The following TGM2 variants were observed in gnomAD, a reference collection of about 807,000 sequenced individuals.
TGM2 encodes the protein protein-glutamine gamma-glutamyltransferase 2.
Under a neutral mutation model 75.6 loss-of-function variants are expected in TGM2, and 53 were observed. The observed-to-expected ratio is 0.70, with a 90% confidence interval of 0.56 to 0.88. The LOEUF (loss-of-function observed/expected upper bound fraction) is 0.88. TGM2 is among the 40% of genes least tolerant of loss of function. TGM2 has a pLI of 0.00. For synonymous variants in TGM2, 374 were observed against 381.1 expected (o/e 0.98, Z 0.22); for missense variants, 842 against 928.5 (o/e 0.91, Z 1.21).
At chr20:38,136,534 C>A (rs980311152) in intron 10 of TGM2, among the ~76,000 whole-genome samples, 4 of 152,214 alleles carry the variant, frequency 2.6e-5, no homozygotes, top group African/African-American at 9.7e-5. Context: ...TGGATCATGA[C>A]CCCCAGGAGC....
Position 38,130,285 on chromosome 20 carries a change from C to T in TGM2, c.1998G>A (p.Val666=). The T allele has an allele frequency of 6.2e-7, 1 of 1,612,960 alleles. No homozygotes were observed. The highest frequency in any genetic ancestry group is 8.5e-7 in the Non-Finnish European group (1 of 1,179,742). ...CCTTCAGCTTGTCGCTCTCGAAGTT[C>T]ACCACCAGCTTGTGGAGGCCCATGT... ...PLHMGLHKLV[V]NFESDKLKAV... Residue 666 remains valine, a synonymous_variant, in exon 13 of 13, where the codon GTG becomes GTA. Coordinates refer to ENST00000361475, the MANE Select transcript of TGM2 (RefSeq NM_004613.4).
Position 38,141,358 on chromosome 20 carries a change from C to A in TGM2, c.1023G>T (p.Trp341Cys). 2 of 1,587,228 alleles carry A rather than the reference C, an allele frequency of 1.3e-6. No individual in the cohort carries two copies. Among genetic ancestry groups the A allele is most frequent in the South Asian group, 2.3e-5 (2 of 86,708 alleles). The change falls in exon 8 of 13, where the codon TGG becomes TGT. Residue 341 changes from tryptophan to cysteine, a missense_variant. Transcript: ENST00000361475. Reference protein sequence around the residue: ...IWNFHCWVESWMTRPDLQPGY... With the variant: ...IWNFHCWVESCMTRPDLQPGY... ...CCGGCTGCAGGTCCGGCCTGGTCAT[C>A]CACGACTCCACCCAGCAGTGGAAGT...
At position 38,146,832 on chromosome 20, in the gene TGM2, G is replaced by A. The variant is rs369988859; in HGVS notation, c.744C>T (p.Gly248=). 9.2e-5 allele frequency: 148 copies of A among 1,614,142 alleles called. No homozygotes were observed. In the African/African-American group the frequency reaches 9.3e-4, roughly 10 times the overall value. ...TGCCGATCCAGGACATGGGGCTGAC[G>A]CCGTCCCCGTAGTTGTTGTCCCAGC... The part of the protein sequence containing the change: ...LGRWDNNYGD[G]VSPMSWIGSV... Residue 248 remains glycine (G), a synonymous_variant, in exon 6 of 13, where the codon GGC becomes GGT. Transcript: ENST00000361475.
chr20:38,133,568 AG>A (rs2074862241), intron 10 of TGM2: 1 of 152,336 alleles, frequency 6.6e-6, no homozygotes, highest in East Asian at 1.9e-4. Flanking sequence ...GGATTCATGT[AG>A]TTTAGCATTT....
At position 38,139,268 on chromosome 20, in the gene TGM2, C is replaced by A. The variant is rs1422319679; in HGVS notation, c.1342+144G>T. 18 of 1,191,574 alleles carry A rather than the reference C, an allele frequency of 1.5e-5. No homozygotes were observed. The East Asian group carries it at 4.0e-4, about 27-fold the overall frequency. The allele number at this position is 1,191,574 out of a possible 1,614,324, so 73.8% of individuals were successfully genotyped here. ...GTTTGCTCCTGTTTCTAAGGCATTG[C>A]TGAAGATGGAGTATAGCCTACGGGG... is the stretch of plus-strand genomic sequence containing the variant. On this transcript the variant is annotated intron_variant, in intron 9 of 12. Transcript: ENST00000361475.
Position 38,138,402 on chromosome 20 carries a change from G to T in TGM2, c.1343-17C>A, listed in dbSNP as rs1378905969. ...CTGAGGACCCTGTAGGGGTTGAGAA[G>T]AGAGCCTCAATCACAGCTGGAATAG... On this transcript the variant is annotated splice_polypyrimidine_tract_variant and intron_variant, in intron 9 of 12. Coordinates refer to ENST00000361475, the MANE Select transcript of TGM2 (RefSeq NM_004613.4). 1 of 1,613,380 alleles carries T rather than the reference G, an allele frequency of 6.2e-7. No individual in the cohort carries two copies. The highest frequency in any genetic ancestry group is 1.7e-5 in the Admixed American group (1 of 60,020).
At chr20:38,131,542 T>C (rs2074834368) in intron 11 of TGM2, among the ~76,000 whole-genome samples, 1 of 152,096 alleles carries the variant, frequency 6.6e-6, no homozygotes, top group Non-Finnish European at 1.5e-5. Flanking sequence ...CTCTGCCTCT[T>C]CTTCACTGTG....
rs144715765 is a variant in TGM2, at chr20:38,161,526, C to T, written c.84G>A (p.Arg28=). 227 of 1,614,172 alleles carry T rather than the reference C, an allele frequency of 1.4e-4. 1 individual carries two copies. In the African/African-American group the frequency reaches 2.8e-3, roughly 20 times the overall value. ...GGCCCCGTCGCACCACCAGCTTCTC[C>T]CGGCACAGGTCGGCCGTGTGGTGGT... ...GRDHHTADLC[R]EKLVVRRGQP... Residue 28 remains arginine (R), a synonymous_variant, in exon 2 of 13, where the codon CGG becomes CGA. Coordinates refer to ENST00000361475, the MANE Select transcript of TGM2 (RefSeq NM_004613.4).
At chr20:38,134,824 C>T (rs533254013) in intron 10 of TGM2, among the ~76,000 whole-genome samples, 95 of 152,318 alleles carry the variant, frequency 6.2e-4, no homozygotes, top group Non-Finnish European at 7.5e-4. Context: ...CACCAGCACA[C>T]GGAAATTCCC....
chr20:38,161,385 G>A (rs1324095695), intron 2 of TGM2, 35 bp downstream of exon 2: 2 of 1,610,024 alleles, frequency 1.2e-6, no homozygotes, highest in African/African-American at 1.3e-5. Context: ...TGGTGGTGGT[G>A]GTGGTGGTGG....
chr20:38,139,659 C>A lies in TGM2; in HGVS notation c.1100-5G>T. On this transcript the variant is annotated splice_region_variant and splice_polypyrimidine_tract_variant and intron_variant, in intron 8 of 12. Coordinates refer to ENST00000361475, the MANE Select transcript of TGM2 (RefSeq NM_004613.4). The stretch of plus-strand genomic sequence containing the variant: ...CTGGGCCACAGCAGTACGTCCCTGG[C>A]AGAGGTAGAAAGGGGAAGGGATGGG... 6.2e-7 allele frequency: 1 copy of A among 1,614,092 alleles called. No individual in the cohort carries two copies. Among genetic ancestry groups the A allele is most frequent in the East Asian group, 2.2e-5 (1 of 44,886 alleles).
chr20:38,157,180 A>G (rs745660121), intron 2 of TGM2, among the ~76,000 whole-genome samples: 6 of 152,076 alleles, frequency 3.9e-5, no homozygotes, highest in Non-Finnish European at 7.4e-5. Context: ...CACCGTGGAC[A>G]TTATTGGGGC....
intron 3 of TGM2, among the ~76,000 whole-genome samples, chr20:38,153,038 C>CGG (rs45518636): frequency 9.4e-5 from 8 of 85,040 alleles, no homozygotes; most frequent in African/African-American, 1.2e-4. Context: ...ACCTATGGGG[C>CGG]GGGGGGGGGG....
At chr20:38,140,354 C>T (rs58142739) in intron 8 of TGM2, among the ~76,000 whole-genome samples, 7,200 of 152,244 alleles carry the variant, frequency 0.047, 487 homozygotes, top group African/African-American at 0.15. Context: ...GGAGAAATGC[C>T]AATGCTTTAT....
At chr20:38,145,045 G>A (rs151137476) in intron 6 of TGM2, among the ~76,000 whole-genome samples, 1 of 152,286 alleles carries the variant, frequency 6.6e-6, no homozygotes, top group East Asian at 1.9e-4. Flanking sequence ...GAAAAGAGGT[G>A]TTTTAGGGCT....
intron 12 of TGM2, 46 bp from the exon 13 acceptor site, chr20:38,130,415 C>A (rs540815010): frequency 6.5e-7 from 1 of 1,549,452 alleles, no homozygotes; most frequent in South Asian, 1.2e-5. Context: ...CAAGGCCTGG[C>A]TCCCGCATGC....
At chr20:38,139,912 C>T (rs568915868) in intron 8 of TGM2, among the ~76,000 whole-genome samples, 22 of 152,276 alleles carry the variant, frequency 1.4e-4, no homozygotes, top group African/African-American at 4.3e-4. Context: ...CTTCTCGAAG[C>T]GGCAGTTTCA....
chr20:38,155,803 GC>G, intron 3 of TGM2, 43 bp downstream of exon 3: 1 of 1,571,850 alleles, frequency 6.4e-7, no homozygotes, highest in Non-Finnish European at 8.6e-7. Flanking sequence ...GGCGGATCCA[GC>G]CCTGCCCACC....
Position 38,155,848 on chromosome 20 carries a change from T to C in TGM2, c.432A>G (p.Pro144=). Residue 144 remains proline (P), a splice_region_variant and synonymous_variant, in exon 3 of 13, where the codon CCA becomes CCG. Transcript: ENST00000361475. ...GTGAGTGGATGGCGTGTGGCTCACC[T>C]GGGCACCAGGCGTTGAAGAGCAAAA... is the stretch of plus-strand genomic sequence containing the variant. ...HFILLFNAWC[P]ADAVYLDSEE... 6.3e-7 allele frequency: 1 copy of C among 1,597,132 alleles called. No homozygotes were observed. Among genetic ancestry groups the C allele is most frequent in the Non-Finnish European group, 8.5e-7 (1 of 1,172,666 alleles).
Sources: gnomAD v4.1 joint callset for allele counts (sites outside exome capture counted in the v4.1 genomes callset) on GRCh38, gnomAD v4.1.1 for gene constraint, MANE v1.5 for transcripts, NCBI Gene and HGNC (gene_info 2026-07-23, HGNC 2026-07-21) for gene names.